Variants in LARGE1 observed in about 807,000 individuals in gnomAD.
LARGE1 encodes the protein xylosyl- and glucuronyltransferase LARGE1.
Under a neutral mutation model 87.6 loss-of-function variants are expected in LARGE1, and 43 were observed. That is an observed-to-expected ratio of 0.49 (90% CI 0.38 to 0.63). The LOEUF (loss-of-function observed/expected upper bound fraction) is 0.63. Ranked by LOEUF, LARGE1 falls within the 30% of genes least tolerant of loss-of-function variation. LARGE1 has a pLI of 0.00. For missense variants in LARGE1, 802 were observed against 1,000.2 expected (o/e 0.80, Z 2.67); for synonymous variants, 434 against 394.6 (o/e 1.10, Z -1.18).
At chr22:33,806,634 C>T (rs1441657250) in intron 1 of LARGE1, among the ~76,000 whole-genome samples, 1 of 151,976 alleles carries the variant, frequency 6.6e-6, no homozygotes, top group Admixed American at 6.6e-5. Flanking sequence ...AGAGCCGTGT[C>T]CAGGGCTTAG....
chr22:33,157,917 T>C (rs1921920576), downstream of LARGE1, among the ~76,000 whole-genome samples: 1 of 152,074 alleles, frequency 6.6e-6, no homozygotes, highest in Admixed American at 6.5e-5. Context: ...CCAGTAAAAA[T>C]AATCTTGAAA....
chr22:33,785,967 G>A (rs1010990882), intron 1 of LARGE1, among the ~76,000 whole-genome samples: 2 of 152,194 alleles, frequency 1.3e-5, no homozygotes, highest in Non-Finnish European at 2.9e-5. Flanking sequence ...AAAAGGAGAA[G>A]AGGCAGGACT....
chr22:33,362,024 G>C (rs1453448639), intron 9 of LARGE1, among the ~76,000 whole-genome samples: 1 of 149,294 alleles, frequency 6.7e-6, no homozygotes, highest in Non-Finnish European at 1.5e-5. Flanking sequence ...TCAAGAACTA[G>C]AGCAAAGTTT....
At chr22:33,777,851 C>T (rs2085298483) in intron 1 of LARGE1, among the ~76,000 whole-genome samples, 1 of 152,212 alleles carries the variant, frequency 6.6e-6, no homozygotes, top group Non-Finnish European at 1.5e-5. Flanking sequence ...GCTGGGGGCC[C>T]TCCCAACAGT....
intron 2 of LARGE1, among the ~76,000 whole-genome samples, chr22:33,728,158 T>G (rs571493997): frequency 6.6e-6 from 1 of 152,082 alleles, no homozygotes; most frequent in Admixed American, 6.5e-5. Context: ...CAACTCCACT[T>G]GTAGTATCCC....
chr22:33,256,221 T>C (rs375794140), intron 11 of LARGE1, among the ~76,000 whole-genome samples: 2 of 152,248 alleles, frequency 1.3e-5, no homozygotes, highest in South Asian at 2.1e-4. Context: ...TGGAGGACGA[T>C]AGAAGAGATT....
chr22:33,599,840 C>T (rs2079069990), intron 5 of LARGE1, among the ~76,000 whole-genome samples: 1 of 152,196 alleles, frequency 6.6e-6, no homozygotes. Context: ...AACTGTGGAA[C>T]ACGGCGCAAG....
chr22:33,133,339 C>A, the LARGE1 span, among the ~76,000 whole-genome samples: 1 of 152,282 alleles, frequency 6.6e-6, no homozygotes, highest in Middle Eastern at 3.4e-3. Context: ...TAGTCCCCTG[C>A]CCCTGACAGG....
chr22:33,576,097 C>T (rs558361752), intron 5 of LARGE1, among the ~76,000 whole-genome samples: 60 of 152,270 alleles, frequency 3.9e-4, no homozygotes, highest in African/African-American at 1.2e-3. Context: ...TTAGCTGCTG[C>T]GTAGCCTGAT....
intron 6 of LARGE1, among the ~76,000 whole-genome samples, chr22:33,441,393 T>C (rs1048251386): frequency 1.3e-5 from 2 of 152,074 alleles, no homozygotes; most frequent in African/African-American, 4.8e-5. Flanking sequence ...TTTAATATAA[T>C]TCTCCACCTG....
At chr22:33,133,228 C>G in the LARGE1 span, among the ~76,000 whole-genome samples, 1 of 152,074 alleles carries the variant, frequency 6.6e-6, no homozygotes, top group East Asian at 1.9e-4. Flanking sequence ...ATGTGCAGAA[C>G]GTGCAGTTTT....
At chr22:33,269,297 AAAAC>A (rs1418889837), downstream of LARGE1, among the ~76,000 whole-genome samples, 1 of 152,226 alleles carries the variant, frequency 6.6e-6, no homozygotes, top group African/African-American at 2.4e-5. Flanking sequence ...AAATGAAACT[AAAAC>A]AAAACTAAAA....
intron 5 of LARGE1, among the ~76,000 whole-genome samples, chr22:33,598,851 T>C (rs5749638): frequency 0.24 from 36,661 of 152,152 alleles, 5,027 homozygotes; most frequent in East Asian, 0.35. Context: ...CATGTGTCTT[T>C]ATAGTAGAAT....
intron 11 of LARGE1, chr22:33,221,562 G>GA (rs1372385019): frequency 6.6e-6 from 1 of 152,134 alleles, no homozygotes; most frequent in African/African-American, 2.4e-5. Flanking sequence ...AAAACGACTA[G>GA]AAAAAATGTA....
chr22:33,733,277 T>C (rs2083535185), intron 2 of LARGE1: 1 of 152,220 alleles, frequency 6.6e-6, no homozygotes, highest in Non-Finnish European at 1.5e-5. Flanking sequence ...TAATTCCTGG[T>C]CCTGGGCTCT....
intron 11 of LARGE1, among the ~76,000 whole-genome samples, chr22:33,177,269 C>G (rs918860628): frequency 2.0e-5 from 3 of 151,890 alleles, no homozygotes; most frequent in Non-Finnish European, 4.4e-5. Flanking sequence ...CAAACCTGCA[C>G]GTTCTGCACA....
intron 2 of LARGE1, among the ~76,000 whole-genome samples, chr22:33,748,750 A>C (rs2084198268): frequency 6.6e-6 from 1 of 152,224 alleles, no homozygotes; most frequent in Non-Finnish European, 1.5e-5. Context: ...ACTACAGGTC[A>C]TTTTGATGAA....
intron 5 of LARGE1, among the ~76,000 whole-genome samples, chr22:33,601,308 G>T (rs750406408): frequency 5.3e-5 from 8 of 151,762 alleles, no homozygotes; most frequent in Non-Finnish European, 8.8e-5. Flanking sequence ...GGTAGGTGTA[G>T]GGGAGGTGGA....
At chr22:33,797,216 G>C (rs1030973700) in intron 1 of LARGE1, among the ~76,000 whole-genome samples, 1 of 152,164 alleles carries the variant, frequency 6.6e-6, no homozygotes, top group Non-Finnish European at 1.5e-5. Context: ...AAGACAAGAA[G>C]GGGGCACCCC....
Sources: gnomAD v4.1 joint callset for allele counts (sites outside exome capture counted in the v4.1 genomes callset) on GRCh38, gnomAD v4.1.1 for gene constraint, MANE v1.5 for transcripts, NCBI Gene and HGNC (gene_info 2026-07-23, HGNC 2026-07-21) for gene names.